Variants in CACNA1E observed in about 807,000 individuals in gnomAD.
CACNA1E encodes calcium voltage-gated channel subunit alpha1 E.
In CACNA1E, 40 loss-of-function variants were observed where a neutral mutation model predicts 259.2. The observed-to-expected ratio is 0.15, with a 90% confidence interval of 0.12 to 0.20. The LOEUF (loss-of-function observed/expected upper bound fraction) is 0.20, where lower values mean the gene tolerates loss of function less well. CACNA1E is among the 10% of genes least tolerant of loss of function. The pLI, the probability that CACNA1E is intolerant of heterozygous loss-of-function variation, is 1.00. For synonymous variants in CACNA1E, 1,104 were observed against 1,138.5 expected (o/e 0.97, Z 0.61); for missense variants, 1,874 against 3,040.1 (o/e 0.62, Z 9.02).
chr1:181,776,007 A>C lies in CACNA1E; in HGVS notation c.5140-94A>C, dbSNP rs1659942286. The C allele has an allele frequency of 8.0e-7, 1 of 1,243,274 alleles. No individual in the cohort carries two copies. The highest frequency in any genetic ancestry group is 1.5e-5 in the African/African-American group (1 of 66,442). 77.0% of individuals were successfully genotyped at this position (1,243,274 alleles called of 1,614,324 possible). A position where few individuals can be genotyped will look rare whatever the true frequency, so the allele number is the denominator to read the frequency against. ...TACCTCTGTTCTGGCTCGTTTGCTAAAACACCCTCCTCCATGCCCTGAAGC... is the reference window on the plus strand; with the variant it reads ...TACCTCTGTTCTGGCTCGTTTGCTACAACACCCTCCTCCATGCCCTGAAGC... On this transcript the variant is annotated intron_variant, in intron 37 of 47. Coordinates refer to ENST00000367573, the MANE Select transcript of CACNA1E (RefSeq NM_001205293.3). This position sits in a 1 kb window ranked among gnomAD's most constrained non-coding sequence, Gnocchi z 4.4.
rs141943330 is a variant in CACNA1E, at chr1:181,460,752, GTACTACTGC to G, written c.435-22990_435-22982del. Reference sequence around the variant, plus strand: ...CAGAAAGGGATGCATGGCTAAAAATGTACTACTGCTTCCATTAATGAAAATTAATTTAGC... The same window carrying G: ...CAGAAAGGGATGCATGGCTAAAAATGTTCCATTAATGAAAATTAATTTAGC... On this transcript the variant is annotated intron_variant, in intron 2 of 11. Transcript: ENST00000524607. Among the ~76,000 whole-genome samples, 432 of 152,306 alleles carry G rather than the reference GTACTACTGC, an allele frequency of 2.8e-3. 3 individuals are homozygous for G. The highest frequency in any genetic ancestry group is 4.5e-3 in the Non-Finnish European group (308 of 68,026).
chr1:181,642,518 G>A (rs576964511), intron 6 of CACNA1E, among the ~76,000 whole-genome samples: 2 of 152,152 alleles, frequency 1.3e-5, no homozygotes, highest in South Asian at 2.1e-4. Context: ...GATATATGAA[G>A]CCTCCTGTAC....
At chr1:181,621,145 A>C (rs757263639) in intron 6 of CACNA1E, among the ~76,000 whole-genome samples, 11 of 152,266 alleles carry the variant, frequency 7.2e-5, no homozygotes, top group Non-Finnish European at 1.5e-5. Flanking sequence ...TTAGGAAAGC[A>C]GTGACAAAAA....
intron 44 of CACNA1E, among the ~76,000 whole-genome samples, chr1:181,791,404 C>T (rs1008657831): frequency 3.9e-5 from 6 of 152,122 alleles, no homozygotes; most frequent in Non-Finnish European, 7.4e-5. Context: ...ACCTGGGAGG[C>T]GGAGCTTGCA....
chr1:181,656,925 A>G (rs1659253343), intron 7 of CACNA1E, among the ~76,000 whole-genome samples: 1 of 152,246 alleles, frequency 6.6e-6, no homozygotes, highest in Non-Finnish European at 1.5e-5. Context: ...CATATAGCCT[A>G]GGTATGTAGT....
At chr1:181,757,469 C>T (rs1007654184) in intron 30 of CACNA1E, among the ~76,000 whole-genome samples, 9 of 152,158 alleles carry the variant, frequency 5.9e-5, no homozygotes, top group East Asian at 3.9e-4. Flanking sequence ...TGTGTCTTAT[C>T]GCAGCTTTTC....
intron 7 of CACNA1E, among the ~76,000 whole-genome samples, chr1:181,701,297 T>A (rs1211031002): frequency 6.6e-6 from 1 of 152,066 alleles, no homozygotes; most frequent in Non-Finnish European, 1.5e-5. Flanking sequence ...CTCAGAGGAG[T>A]GCGAAATGTG....
At chr1:181,393,651 T>G (rs1656451886) in intron 1 of CACNA1E, among the ~76,000 whole-genome samples, 1 of 151,792 alleles carries the variant, frequency 6.6e-6, no homozygotes, top group Non-Finnish European at 1.5e-5. Flanking sequence ...AGAGACAGAG[T>G]TTTGCAATGT....
At chr1:181,482,081 A>T (rs1035311105), upstream of CACNA1E, among the ~76,000 whole-genome samples, 24 of 152,192 alleles carry the variant, frequency 1.6e-4, no homozygotes, top group African/African-American at 5.1e-4. Context: ...CAGAGTGTGG[A>T]ACCCCCAGAG....
Position 181,423,131 on chromosome 1 carries a change from A to G in CACNA1E, c.434+9551A>G, listed in dbSNP as rs147946590. 3.3e-5 allele frequency among the ~76,000 whole-genome samples: 5 copies of G among 152,274 alleles called. No individual in the cohort carries two copies. The East Asian group carries it at 9.6e-4, about 29-fold the overall frequency. On this transcript the variant is annotated intron_variant, in intron 2 of 11. Transcript: ENST00000524607. ...CCTTCATCATCAGCCTCATCCCTACAACAATGTTTATATGTACAGATCAAG... is the reference window on the plus strand; with the variant it reads ...CCTTCATCATCAGCCTCATCCCTACGACAATGTTTATATGTACAGATCAAG...
intron 3 of CACNA1E, among the ~76,000 whole-genome samples, chr1:181,558,088 A>C (rs6685370): frequency 0.92 from 139,485 of 152,260 alleles, 63,998 homozygotes; most frequent in South Asian, 0.96. Context: ...CCTGGAGAAG[A>C]GAATAATTCC....
intron 3 of CACNA1E, among the ~76,000 whole-genome samples, chr1:181,533,955 T>A (rs1667966885): frequency 6.6e-6 from 1 of 151,866 alleles, no homozygotes. Flanking sequence ...GTTGGTAGAT[T>A]TTTTTTTAGA....
At chr1:181,644,859 A>T (rs905273897) in intron 6 of CACNA1E, among the ~76,000 whole-genome samples, 2 of 152,128 alleles carry the variant, frequency 1.3e-5, no homozygotes, top group Non-Finnish European at 2.9e-5. Context: ...TAACTCCTAC[A>T]TTAGGTAGTT....
intron 1 of CACNA1E, among the ~76,000 whole-genome samples, chr1:181,497,293 G>C (rs949063282): frequency 6.6e-6 from 1 of 152,194 alleles, no homozygotes; most frequent in Non-Finnish European, 1.5e-5. Context: ...CAAAGCAAAG[G>C]AATAGATTCT....
At chr1:181,360,103 A>G (rs753363435) in intron 1 of CACNA1E, among the ~76,000 whole-genome samples, 5 of 152,232 alleles carry the variant, frequency 3.3e-5, no homozygotes, top group Admixed American at 6.5e-5. Flanking sequence ...CCATAGGGGC[A>G]GCACCACAGG....
chr1:181,591,291 G>T (rs965348454), intron 6 of CACNA1E, among the ~76,000 whole-genome samples: 1 of 152,184 alleles, frequency 6.6e-6, no homozygotes, highest in Non-Finnish European at 1.5e-5. Context: ...TGATTAGAAA[G>T]CTTCTAGTTC....
chr1:181,605,322 G>C (rs1654131111), intron 6 of CACNA1E, among the ~76,000 whole-genome samples: 1 of 151,634 alleles, frequency 6.6e-6, no homozygotes, highest in South Asian at 2.1e-4. Context: ...GGGAGGGTGG[G>C]GTGGGGGAGA....
chr1:181,704,219 GGT>G (rs1464408612), intron 7 of CACNA1E, among the ~76,000 whole-genome samples: 2 of 152,110 alleles, frequency 1.3e-5, no homozygotes, highest in Non-Finnish European at 2.9e-5. Context: ...CCTTCAGGAA[GGT>G]GTTTACCTTC....
In CACNA1E at chr1:181,798,373, C is replaced by T; in HGVS notation, c.6481C>T (p.Pro2161Ser). Residue 2161 changes from proline to serine, a missense_variant, in exon 48 of 48, where the codon CCC becomes TCC. Pro to Ser is a moderately conservative substitution (Grantham distance 74, BLOSUM62 -1). Coordinates refer to ENST00000367573, the MANE Select transcript of CACNA1E (RefSeq NM_001205293.3). This position sits in a 1 kb window ranked among gnomAD's most constrained non-coding sequence, Gnocchi z 4.2. ...AAGAAGAAGTCGTCGGCAGCTCCCA[C>T]CCGTCCCGCCAAAGCCCCGGCCCCT... The part of the protein sequence containing the change: ...TPRRSRRQLP[P>S]VPPKPRPLLS... 4.3e-6 allele frequency: 7 copies of T among 1,612,822 alleles called. No individual in the cohort carries two copies. The highest frequency in any genetic ancestry group is 1.7e-5 in the Admixed American group (1 of 60,020).
Sources: allele counts gnomAD v4.1 joint callset (sites outside exome capture counted in the v4.1 genomes callset), GRCh38; gene constraint gnomAD v4.1.1; non-coding constraint Gnocchi (gnomAD v3.1); transcripts MANE v1.5; gene names NCBI Gene and HGNC (gene_info 2026-07-23, HGNC 2026-07-21).